The following GOLM2 variants were observed in gnomAD, a reference collection of about 807,000 sequenced individuals.
GOLM2 encodes protein GOLM2.
GOLM2 carries 26 observed loss-of-function variants against 55.9 expected under a neutral mutation model. That is an observed-to-expected ratio of 0.47 (90% CI 0.34 to 0.65). GOLM2 has a LOEUF of 0.65. GOLM2 is among the 30% of genes least tolerant of loss of function. GOLM2 has a pLI of 0.01. For missense variants in GOLM2, 486 were observed against 531.8 expected, an observed-to-expected ratio of 0.91 and a Z score of 0.85; for synonymous variants, 165 against 194.6, an observed-to-expected ratio of 0.85 and a Z score of 1.27.
intron 4 of GOLM2, among the ~76,000 whole-genome samples, chr15:44,332,807 T>A (rs938954394): frequency 1.3e-5 from 2 of 152,184 alleles, no homozygotes; most frequent in Non-Finnish European, 2.9e-5. Flanking sequence ...TACAACCAAT[T>A]TGATTCATAC....
At chr15:44,339,872 T>C (rs1381110251) in intron 6 of GOLM2, among the ~76,000 whole-genome samples, 3 of 152,228 alleles carry the variant, frequency 2.0e-5, no homozygotes, top group South Asian at 2.1e-4. Context: ...CAGGCCAGAG[T>C]GCAGTGGCAT....
At position 44,343,010 on chromosome 15, in the gene GOLM2, G is replaced by T. The variant is rs2079099316; in HGVS notation, c.802+4693G>T. ...TTAAATGTAAAACACTTAGAACAGTGCCTGGCACATAGCAAGTGCTATATA... is the reference window on the plus strand; with the variant it reads ...TTAAATGTAAAACACTTAGAACAGTTCCTGGCACATAGCAAGTGCTATATA... On this transcript the variant is annotated intron_variant, in intron 6 of 9. Coordinates refer to ENST00000299957, the MANE Select transcript of GOLM2 (RefSeq NM_138423.4). Among the ~76,000 whole-genome samples the T allele has an allele frequency of 2.0e-5, 3 of 152,188 alleles. No homozygotes were observed. In the South Asian group the frequency reaches 6.2e-4, roughly 31 times the overall value.
chr15:44,349,505 A>C (rs1429055681), intron 6 of GOLM2, among the ~76,000 whole-genome samples: 1 of 152,206 alleles, frequency 6.6e-6, no homozygotes, highest in Non-Finnish European at 1.5e-5. Context: ...CAAATATTAG[A>C]GCTAAAGAGA....
chr15:44,366,912 T>A (rs2079289914), intron 6 of GOLM2, among the ~76,000 whole-genome samples: 1 of 152,134 alleles, frequency 6.6e-6, no homozygotes, highest in South Asian at 2.1e-4. Flanking sequence ...GGTTAATAAT[T>A]TATATTTTTG....
At chr15:44,367,239 C>G (rs1043846894) in intron 6 of GOLM2, among the ~76,000 whole-genome samples, 9 of 148,666 alleles carry the variant, frequency 6.1e-5, no homozygotes, top group African/African-American at 2.0e-4. Flanking sequence ...CTGTCTGGCC[C>G]TTTAAGAAAA....
chr15:44,406,913 C>G (rs1404394098), intron 9 of GOLM2: 2 of 151,878 alleles, frequency 1.3e-5, no homozygotes, highest in East Asian at 3.8e-4. Context: ...CAGTAGGGAG[C>G]TGAAGCATTC....
Position 44,288,941 on chromosome 15 carries a change from G to C in GOLM2, c.-89G>C. 7.8e-7 allele frequency: 1 copy of C among 1,277,034 alleles called. No individual in the cohort carries two copies. Among genetic ancestry groups the C allele is most frequent in the South Asian group, 1.4e-5 (1 of 69,990 alleles). The allele number at this position is 1,277,034 out of a possible 1,614,324, so 79.1% of individuals were successfully genotyped here. ...TCCTCCCTCGGCCGGCCCTGGGGCCGTGTCCGCCGGGCAACTCCAGCCGAG... is the reference window on the plus strand; with the variant it reads ...TCCTCCCTCGGCCGGCCCTGGGGCCCTGTCCGCCGGGCAACTCCAGCCGAG... On this transcript the variant is annotated 5_prime_UTR_variant, in exon 1 of 10. Transcript: ENST00000299957.
intron 4 of GOLM2, among the ~76,000 whole-genome samples, chr15:44,337,165 T>C (rs561224914): frequency 6.6e-6 from 1 of 152,118 alleles, no homozygotes; most frequent in East Asian, 1.9e-4. Context: ...ACCAAGAGAA[T>C]TGAGTTAGGC....
intron 6 of GOLM2, among the ~76,000 whole-genome samples, chr15:44,377,617 A>G (rs1436840360): frequency 6.6e-6 from 1 of 152,006 alleles, no homozygotes; most frequent in Non-Finnish European, 1.5e-5. Flanking sequence ...CAAGTGACTC[A>G]CATGCCTCGG....
In GOLM2 at chr15:44,289,183, C is replaced by G. The variant is rs2078702441; in HGVS notation, c.154C>G (p.Gln52Glu). The change falls in exon 1 of 10, where the codon CAG (glutamine) becomes GAG (glutamate). Residue 52 changes from glutamine (Q) to glutamate (E), a missense_variant. Transcript: ENST00000299957. The surrounding 1 kb of genome is among the most constrained non-coding windows in gnomAD (Gnocchi z 4.8). ...LQEEVAELQGQVQRTEVARGR... is the reference protein window; with the variant it reads ...LQEEVAELQGEVQRTEVARGR... The stretch of plus-strand genomic sequence containing the variant: ...GGAGGAGGTGGCCGAGCTGCAGGGC[C>G]AGGTCCAGCGCACCGAAGTGGCCCG... 1 of 1,614,190 alleles carries G rather than the reference C, an allele frequency of 6.2e-7. No homozygotes were observed.
intron 6 of GOLM2, among the ~76,000 whole-genome samples, chr15:44,377,433 C>T (rs544905569): frequency 3.9e-5 from 6 of 152,070 alleles, no homozygotes; most frequent in Admixed American, 6.5e-5. Flanking sequence ...TGCAGTGCCG[C>T]GGCCTTGGCT....
At chr15:44,373,891 A>C (rs1439141449) in intron 6 of GOLM2, among the ~76,000 whole-genome samples, 2 of 152,204 alleles carry the variant, frequency 1.3e-5, no homozygotes, top group Non-Finnish European at 2.9e-5. Context: ...ACTTGAGGTC[A>C]GGAATTCGAG....
intron 8 of GOLM2, among the ~76,000 whole-genome samples, chr15:44,400,378 G>A (rs2141212692): frequency 6.6e-6 from 1 of 151,502 alleles, no homozygotes; most frequent in African/African-American, 2.4e-5. Flanking sequence ...GAGTGCAATG[G>A]TGCAATCTCA....
At chr15:44,401,231 C>T (rs1033079773) in intron 8 of GOLM2, among the ~76,000 whole-genome samples, 2 of 152,090 alleles carry the variant, frequency 1.3e-5, no homozygotes, top group African/African-American at 4.8e-5. Flanking sequence ...CCTGCATTAG[C>T]CTCCCAAGTA....
chr15:44,332,172 A>G (rs1197697511), intron 4 of GOLM2, 94 bp downstream of exon 4: 6 of 692,702 alleles, frequency 8.7e-6, no homozygotes, highest in Non-Finnish European at 1.4e-5. Context: ...AAAACACTAT[A>G]TTTTAAGTTT....
chr15:44,354,976 T>C (rs936110810), intron 6 of GOLM2: 3 of 153,372 alleles, frequency 2.0e-5, no homozygotes, highest in African/African-American at 4.8e-5. Context: ...ACTGGTTGTG[T>C]TGTGGAGTCA....
chr15:44,328,886 T>C, intron 3 of GOLM2, 99 bp downstream of exon 3: 1 of 706,284 alleles, frequency 1.4e-6, no homozygotes, highest in Non-Finnish European at 2.2e-6. Flanking sequence ...TTTCCCTTTT[T>C]TTCTCTTCTT....
rs935617240 is a variant in GOLM2 at position 44,289,194 on chromosome 15, C to A, written c.165C>A (p.Arg55=). The change falls in exon 1 of 10, where the codon CGC becomes CGA. Residue 55 remains arginine, a synonymous_variant. Coordinates refer to ENST00000299957, the MANE Select transcript of GOLM2 (RefSeq NM_138423.4). The surrounding 1 kb of genome is among the most constrained non-coding windows in gnomAD (Gnocchi z 4.8). ...EVAELQGQVQ[R]TEVARGRLEK... is the part of the protein sequence containing the mutation. ...CCGAGCTGCAGGGCCAGGTCCAGCGCACCGAAGTGGCCCGCGGGCGGCTGG... is the reference window on the plus strand; with the variant it reads ...CCGAGCTGCAGGGCCAGGTCCAGCGAACCGAAGTGGCCCGCGGGCGGCTGG... 1 of 1,614,072 alleles carries A rather than the reference C, an allele frequency of 6.2e-7. No homozygotes were observed. Among genetic ancestry groups the A allele is most frequent in the Non-Finnish European group, 8.5e-7 (1 of 1,180,036 alleles).
chr15:44,304,264 CAG>C (rs1190285406), intron 1 of GOLM2, among the ~76,000 whole-genome samples: 4 of 87,640 alleles, frequency 4.6e-5, no homozygotes, highest in Non-Finnish European at 7.9e-5. Context: ...TTTTTTGAGA[CAG>C]AGTTTCACTC....
Sources: allele counts gnomAD v4.1 joint callset (sites outside exome capture counted in the v4.1 genomes callset), GRCh38; gene constraint gnomAD v4.1.1; non-coding constraint Gnocchi (gnomAD v3.1); transcripts MANE v1.5; gene names NCBI Gene and HGNC (gene_info 2026-07-23, HGNC 2026-07-21).